The following CCDC171 variants were observed in gnomAD, a reference collection of about 807,000 sequenced individuals.
CCDC171 encodes coiled-coil domain-containing protein 171.
In CCDC171, 177 loss-of-function variants were observed where a neutral mutation model predicts 168.2. The observed-to-expected ratio is 1.05, with a 90% CI of 0.93 to 1.19. The LOEUF (loss-of-function observed/expected upper bound fraction) is 1.19. Among genes scored for constraint, CCDC171 ranks in the 50% most tolerant of loss-of-function variants. The probability of loss-of-function intolerance (pLI) is 0.00; values close to 1 mark genes in which losing one functional copy is unlikely to be tolerated. For synonymous variants in CCDC171, 687 were observed against 540.8 expected (o/e 1.27, Z -3.75); for missense variants, 1,991 against 1,539.0 (o/e 1.29, Z -4.91).
intron 7 of CCDC171, among the ~76,000 whole-genome samples, chr9:15,627,145 G>A (rs1200205449): frequency 1.3e-5 from 2 of 152,130 alleles, no homozygotes; most frequent in Non-Finnish European, 2.9e-5. Flanking sequence ...TTGTATTTCC[G>A]TGGGATCGGT....
chr9:15,969,751 A>G (rs1372275269), intron 25 of CCDC171, among the ~76,000 whole-genome samples: 1 of 152,148 alleles, frequency 6.6e-6, no homozygotes, highest in Non-Finnish European at 1.5e-5. Flanking sequence ...CCTAACCCCC[A>G]GGCCTGGCAG....
chr9:15,741,358 G>A (rs948720349), intron 16 of CCDC171, among the ~76,000 whole-genome samples: 3 of 152,136 alleles, frequency 2.0e-5, no homozygotes, highest in Admixed American at 1.3e-4. Flanking sequence ...TTCCTAGTGT[G>A]TATATTTTGT....
intron 25 of CCDC171, among the ~76,000 whole-genome samples, chr9:15,964,005 A>G (rs1412952441): frequency 1.3e-5 from 2 of 152,216 alleles, no homozygotes; most frequent in African/African-American, 4.8e-5. Flanking sequence ...TCTTCTCGCT[A>G]GAATGCAGAC....
intron 7 of CCDC171, among the ~76,000 whole-genome samples, chr9:15,628,063 A>G (rs915158055): frequency 2.6e-4 from 40 of 152,158 alleles, no homozygotes; most frequent in Non-Finnish European, 4.7e-4. Context: ...ATGGCCGAAT[A>G]GGAACAGCTG....
At chr9:15,841,051 T>C (rs966761686) in intron 21 of CCDC171, among the ~76,000 whole-genome samples, 8 of 152,048 alleles carry the variant, frequency 5.3e-5, no homozygotes, top group African/African-American at 1.9e-4. Flanking sequence ...GAGAATATGG[T>C]ACAGATAATC....
chr9:15,677,647 C>T (rs1157248266), intron 9 of CCDC171, among the ~76,000 whole-genome samples: 2 of 150,850 alleles, frequency 1.3e-5, no homozygotes, highest in Non-Finnish European at 3.0e-5. Flanking sequence ...GAAAATACTT[C>T]GAAGCTACCT....
chr9:15,932,247 G>T (rs554642063), intron 25 of CCDC171, among the ~76,000 whole-genome samples: 1 of 151,548 alleles, frequency 6.6e-6, no homozygotes, highest in African/African-American at 2.4e-5. Context: ...CATGAACATG[G>T]GATATCTTTT....
intron 21 of CCDC171, among the ~76,000 whole-genome samples, chr9:15,805,945 T>C (rs2059053307): frequency 6.6e-6 from 1 of 152,176 alleles, no homozygotes. Flanking sequence ...TGCTCCTTTA[T>C]TGTGTGTATA....
intron 6 of CCDC171, among the ~76,000 whole-genome samples, chr9:15,613,904 A>G (rs2043894835): frequency 6.6e-6 from 1 of 152,250 alleles, no homozygotes; most frequent in Admixed American, 6.5e-5. Context: ...CTAAATCTAT[A>G]AAGTGTGTAT....
intron 23 of CCDC171, among the ~76,000 whole-genome samples, chr9:15,854,650 C>G (rs1195883697): frequency 6.6e-6 from 1 of 151,548 alleles, no homozygotes; most frequent in Non-Finnish European, 1.5e-5. Flanking sequence ...CGCTCTCTGT[C>G]TCTCTCTTAA....
intron 18 of CCDC171, among the ~76,000 whole-genome samples, chr9:15,749,737 A>C (rs1484746381): frequency 1.3e-5 from 2 of 152,230 alleles, no homozygotes; most frequent in Non-Finnish European, 2.9e-5. Context: ...GTAAATAACA[A>C]AATGAAGGCA....
chr9:15,825,440 C>A (rs1373966660), intron 21 of CCDC171, among the ~76,000 whole-genome samples: 3 of 152,038 alleles, frequency 2.0e-5, no homozygotes, highest in African/African-American at 7.2e-5. Flanking sequence ...TCTCTGCAAT[C>A]CTCTAATTTC....
At chr9:15,806,304 C>T (rs1285668159) in intron 21 of CCDC171, among the ~76,000 whole-genome samples, 5 of 151,824 alleles carry the variant, frequency 3.3e-5, no homozygotes, top group East Asian at 3.9e-4. Context: ...TTTTCGGACT[C>T]GTTTATGTGG....
intron 25 of CCDC171, among the ~76,000 whole-genome samples, chr9:15,942,806 A>G (rs1827877041): frequency 6.6e-6 from 1 of 151,988 alleles, no homozygotes; most frequent in Admixed American, 6.6e-5. Context: ...CCCAGAAGAA[A>G]TATAGAGAAA....
intron 25 of CCDC171, among the ~76,000 whole-genome samples, chr9:15,949,373 C>T (rs1407555750): frequency 2.6e-5 from 4 of 152,052 alleles, no homozygotes; most frequent in Admixed American, 6.6e-5. Flanking sequence ...TCATTAGTAG[C>T]TTGATGGGTA....
intron 21 of CCDC171, among the ~76,000 whole-genome samples, chr9:15,805,964 G>T (rs1279409026): frequency 6.6e-6 from 1 of 152,022 alleles, no homozygotes; most frequent in African/African-American, 2.4e-5. Context: ...TATATATTTA[G>T]TATAGTTAGC....
At chr9:15,898,628 A>G (rs1031782994) in intron 24 of CCDC171, among the ~76,000 whole-genome samples, 5 of 152,222 alleles carry the variant, frequency 3.3e-5, no homozygotes, top group Admixed American at 6.5e-5. Flanking sequence ...TAAAATAAAT[A>G]TAGACATGTC....
chr9:15,935,550 A>T (rs956697737), intron 25 of CCDC171, among the ~76,000 whole-genome samples: 2 of 152,056 alleles, frequency 1.3e-5, no homozygotes, highest in African/African-American at 4.8e-5. Context: ...TAAATTTATA[A>T]TAAAATTATA....
intron 9 of CCDC171, among the ~76,000 whole-genome samples, chr9:15,676,727 A>T (rs1440710798): frequency 6.6e-6 from 1 of 152,086 alleles, no homozygotes; most frequent in Non-Finnish European, 1.5e-5. Context: ...GAAAATTTAA[A>T]ACTTGCATTC....
Sources: gnomAD v4.1 joint callset for allele counts (sites outside exome capture counted in the v4.1 genomes callset) on GRCh38, gnomAD v4.1.1 for gene constraint, MANE v1.5 for transcripts, NCBI Gene and HGNC (gene_info 2026-07-23, HGNC 2026-07-21) for gene names.